DSCAML1: variants seen among roughly 807,000 people sequenced by gnomAD.
DSCAML1 encodes the protein DS cell adhesion molecule like 1, also known as cell adhesion molecule DSCAML1.
DSCAML1 carries 38 observed loss-of-function variants against 200.5 expected under a neutral mutation model. That is an observed-to-expected ratio of 0.19 (90% confidence interval 0.15 to 0.25). DSCAML1 has a LOEUF of 0.25. DSCAML1 is among the 10% of genes least tolerant of loss of function. The probability of loss-of-function intolerance (pLI) is 1.00; values close to 1 mark genes in which losing one functional copy is unlikely to be tolerated. For synonymous variants in DSCAML1, 1,215 were observed against 1,165.0 expected, an observed-to-expected ratio of 1.04 and a Z score of -0.87; for missense variants, 2,223 against 2,858.8, an observed-to-expected ratio of 0.78 and a Z score of 5.07.
At chr11:117,773,632 C>T (rs2055079432) in intron 3 of DSCAML1, among the ~76,000 whole-genome samples, 1 of 151,550 alleles carries the variant, frequency 6.6e-6, no homozygotes. Flanking sequence ...TATAAAAAAT[C>T]GAACTACTTT....
chr11:117,611,005 C>G (rs764466112), intron 3 of DSCAML1: 1 of 152,200 alleles, frequency 6.6e-6, no homozygotes, highest in African/African-American at 2.4e-5. Flanking sequence ...AAGCATGGAC[C>G]TGTTTACATC....
intron 16 of DSCAML1, among the ~76,000 whole-genome samples, chr11:117,465,933 A>G (rs749267998): frequency 6.6e-6 from 1 of 152,196 alleles, no homozygotes; most frequent in Non-Finnish European, 1.5e-5. Flanking sequence ...CGGCTCTTAT[A>G]ACAATAATGG....
At chr11:117,532,203 G>A (rs1381442675) in intron 4 of DSCAML1, among the ~76,000 whole-genome samples, 173 bp downstream of exon 4, 1 of 151,880 alleles carries the variant, frequency 6.6e-6, no homozygotes. Context: ...TGAAAACATA[G>A]CAAAGAGGTC....
Position 117,532,383 on chromosome 11 carries a change from A to C in DSCAML1, c.651T>G (p.Ser217=), listed in dbSNP as rs949670784. Residue 217 remains serine, a synonymous_variant, in exon 4 of 33, where the codon TCT becomes TCG. Coordinates refer to ENST00000651296, the MANE Select transcript of DSCAML1 (RefSeq NM_020693.4). ...CCAGGCCCTCTCCCCTACCTGTCAC[A>C]GAGAGGCGTGCCCCATTGCTCTGCC... ...ETRQSNGARL[S]VTDPAESIPT... 2 of 1,613,626 alleles carry C rather than the reference A, an allele frequency of 1.2e-6. No homozygotes were observed. The highest frequency in any genetic ancestry group is 1.7e-6 in the Non-Finnish European group (2 of 1,179,726).
rs912019248 is a variant in DSCAML1 at position 117,480,600 on chromosome 11, G to A, written c.2657-29C>T. ...GGGTGCGGCAGTGGAGGGGAGGGAAGTGAGGAGGGCAGCAGGGAGCTTGGC... is the reference window on the plus strand; with the variant it reads ...GGGTGCGGCAGTGGAGGGGAGGGAAATGAGGAGGGCAGCAGGGAGCTTGGC... On this transcript the variant is annotated intron_variant, in intron 13 of 32. Transcript: ENST00000651296. The surrounding 1 kb of genome is among the most constrained non-coding windows in gnomAD (Gnocchi z 4.1). The A allele has an allele frequency of 1.3e-6, 2 of 1,551,104 alleles. No individual in the cohort carries two copies. The highest frequency in any genetic ancestry group is 1.7e-6 in the Non-Finnish European group (2 of 1,147,038).
rs574464689 is a variant in DSCAML1, at chr11:117,562,970, T to C, written c.512-30448A>G. On this transcript the variant is annotated intron_variant, in intron 3 of 32. Transcript: ENST00000651296. ...GATGTTGGAAGGCTTGCTGACACTG[T>C]CTGGAAGGATCTGATGCAGAAAATT... Among the ~76,000 whole-genome samples the C allele has an allele frequency of 3.6e-3, 546 of 152,322 alleles. 4 individuals carry two copies. Among genetic ancestry groups the C allele is most frequent in the African/African-American group, 0.013 (525 of 41,570 alleles).
chr11:117,431,739 A>G lies in DSCAML1; in HGVS notation c.5180-11T>C. On this transcript the variant is annotated splice_polypyrimidine_tract_variant and intron_variant, in intron 30 of 32. Transcript: ENST00000651296. ...TCCTGGACACTGGATCTGCACAGACAGAAGCAAGAAATTGCATCCTCCAAC... is the reference window on the plus strand; with the variant it reads ...TCCTGGACACTGGATCTGCACAGACGGAAGCAAGAAATTGCATCCTCCAAC... 1 of 1,518,266 alleles carries G rather than the reference A, an allele frequency of 6.6e-7. No individual in the cohort carries two copies. The highest frequency in any genetic ancestry group is 1.4e-5 in the African/African-American group (1 of 72,254). The allele number at this position is 1,518,266 out of a possible 1,614,324, so 94.0% of individuals were successfully genotyped here.
At chr11:117,782,332 G>A (rs1233445853) in intron 1 of DSCAML1, among the ~76,000 whole-genome samples, 1 of 152,210 alleles carries the variant, frequency 6.6e-6, no homozygotes, top group Non-Finnish European at 1.5e-5. Flanking sequence ...CAGACGTGCT[G>A]GAAAACACAT....
intron 3 of DSCAML1, among the ~76,000 whole-genome samples, chr11:117,546,549 A>G (rs1408935216): frequency 2.6e-5 from 4 of 152,096 alleles, no homozygotes; most frequent in Non-Finnish European, 4.4e-5. Context: ...TGGTCTTTTA[A>G]GTAGGTGGGA....
chr11:117,525,993 T>C (rs975137038), intron 4 of DSCAML1, among the ~76,000 whole-genome samples: 2 of 152,154 alleles, frequency 1.3e-5, no homozygotes, highest in African/African-American at 4.8e-5. Flanking sequence ...AATCCTCTAT[T>C]TCGCATTCCA....
chr11:117,524,823 C>A lies in DSCAML1; in HGVS notation c.919G>T (p.Gly307Cys). The change falls in exon 5 of 33, where the codon GGC (glycine) becomes TGC (cysteine). Residue 307 changes from glycine to cysteine, a missense_variant. By Grantham distance (159) the Gly-to-Cys change is radical. Around this residue, in one of 7 missense-constraint regions of DSCAML1, gnomAD observed 579 missense variants for 721.5 expected, o/e 0.80. Transcript: ENST00000651296. ...TNTFGSAEAT[G>C]ILMVIDPLHV... ...GACTCACCAATGACCATGAGGATGCCTGTGGCCTCTGCCGAACCGAAGGTG... is the reference window on the plus strand; with the variant it reads ...GACTCACCAATGACCATGAGGATGCATGTGGCCTCTGCCGAACCGAAGGTG... 1 of 1,586,658 alleles carries A rather than the reference C, an allele frequency of 6.3e-7. No individual in the cohort carries two copies. The highest frequency in any genetic ancestry group is 8.6e-7 in the Non-Finnish European group (1 of 1,165,290).
intron 1 of DSCAML1, among the ~76,000 whole-genome samples, chr11:117,806,506 C>T (rs2055708176): frequency 6.6e-6 from 1 of 152,216 alleles, no homozygotes; most frequent in South Asian, 2.1e-4. Context: ...TAATCAGAGT[C>T]CTGGACTCCT....
intron 11 of DSCAML1, among the ~76,000 whole-genome samples, chr11:117,497,927 C>T (rs950928293): frequency 6.6e-6 from 1 of 152,248 alleles, no homozygotes; most frequent in Non-Finnish European, 1.5e-5. Flanking sequence ...AGAGTCCATC[C>T]CGTCCCCCAC....
intron 19 of DSCAML1, among the ~76,000 whole-genome samples, chr11:117,456,182 G>T (rs2048364714): frequency 6.6e-6 from 1 of 152,170 alleles, no homozygotes. Flanking sequence ...TCTGAACTCT[G>T]TCTTGCCTGG....
intron 3 of DSCAML1, among the ~76,000 whole-genome samples, chr11:117,555,466 G>A (rs747336547): frequency 2.0e-5 from 3 of 152,180 alleles, no homozygotes; most frequent in East Asian, 1.9e-4. Flanking sequence ...TGAAGTGACC[G>A]CTGTCTCTGG....
chr11:117,465,666 T>C (rs907365663), intron 16 of DSCAML1, among the ~76,000 whole-genome samples: 1 of 152,210 alleles, frequency 6.6e-6, no homozygotes, highest in African/African-American at 2.4e-5. Flanking sequence ...ACGGAAGCAC[T>C]GTGAGGACGC....
At chr11:117,748,084 C>A (rs887120059) in intron 3 of DSCAML1, among the ~76,000 whole-genome samples, 3 of 152,284 alleles carry the variant, frequency 2.0e-5, no homozygotes, top group African/African-American at 7.2e-5. Flanking sequence ...TGGCCTTGGG[C>A]TAATTACTTA....
At chr11:117,813,254 T>G (rs1001345582) in intron 1 of DSCAML1, among the ~76,000 whole-genome samples, 4 of 152,254 alleles carry the variant, frequency 2.6e-5, no homozygotes, top group African/African-American at 9.6e-5. Flanking sequence ...ACCTCCTGTA[T>G]AGATGCTCCT....
intron 3 of DSCAML1, among the ~76,000 whole-genome samples, chr11:117,669,872 C>T (rs964106897): frequency 3.9e-5 from 6 of 152,190 alleles, no homozygotes; most frequent in Admixed American, 6.5e-5. Flanking sequence ...CAATGAGCAA[C>T]GGGGCCTGTG....
Sources: gnomAD v4.1 joint callset for allele counts (sites outside exome capture counted in the v4.1 genomes callset) on GRCh38, gnomAD v4.1.1 for gene constraint, gnomAD v4.1.1 regional missense constraint, Gnocchi (gnomAD v3.1) non-coding constraint, MANE v1.5 for transcripts, NCBI Gene and HGNC (gene_info 2026-07-23, HGNC 2026-07-21) for gene names.